The following TUSC3 variants were observed in gnomAD, a reference collection of about 807,000 sequenced individuals.
The protein encoded by TUSC3 is dolichyl-diphosphooligosaccharide--protein glycosyltransferase subunit TUSC3.
TUSC3 carries 45 observed loss-of-function variants against 44.8 expected under a neutral mutation model. The observed-to-expected ratio is 1.00, with a 90% CI of 0.79 to 1.29. TUSC3 has a LOEUF of 1.29. TUSC3 is among the 50% of genes most tolerant of loss of function. The pLI, the probability that TUSC3 is intolerant of heterozygous loss-of-function variation, is 0.00. For missense variants in TUSC3, 519 were observed against 437.9 expected, an observed-to-expected ratio of 1.19 and a Z score of -1.65; for synonymous variants, 212 against 152.9, an observed-to-expected ratio of 1.39 and a Z score of -2.85.
intron 2 of TUSC3, among the ~76,000 whole-genome samples, chr8:15,628,749 C>T (rs2129166981): frequency 6.6e-6 from 1 of 152,296 alleles, no homozygotes; most frequent in East Asian, 1.9e-4. Flanking sequence ...AGAATACCTA[C>T]CTTCTTAGTG....
chr8:15,438,999 G>C (rs1018401338), intron 1 of TUSC3, among the ~76,000 whole-genome samples: 8 of 152,158 alleles, frequency 5.3e-5, no homozygotes, highest in African/African-American at 1.9e-4. Context: ...GTTGGTCGAG[G>C]CAATCTATAC....
chr8:15,715,432 C>T (rs1810019550), intron 6 of TUSC3, among the ~76,000 whole-genome samples: 1 of 152,004 alleles, frequency 6.6e-6, no homozygotes, highest in Admixed American at 6.6e-5. Flanking sequence ...ACTGAGCAAC[C>T]CACTAAGTGA....
chr8:15,516,979 G>A (rs1392827225), intron 2 of TUSC3, among the ~76,000 whole-genome samples: 3 of 152,100 alleles, frequency 2.0e-5, no homozygotes, highest in African/African-American at 4.8e-5. Flanking sequence ...AATTAAATGT[G>A]ATAGAATTTT....
the TUSC3 span, among the ~76,000 whole-genome samples, chr8:15,803,313 G>C: frequency 6.6e-6 from 1 of 152,076 alleles, no homozygotes; most frequent in South Asian, 2.1e-4. Flanking sequence ...ACATATCTTA[G>C]TAAATTTAGT....
At chr8:15,593,728 T>C (rs1391105503) in intron 1 of TUSC3, among the ~76,000 whole-genome samples, 1 of 152,196 alleles carries the variant, frequency 6.6e-6, no homozygotes, top group Non-Finnish European at 1.5e-5. Flanking sequence ...ATTATTTTGC[T>C]AATTTTCAGT....
upstream of TUSC3, among the ~76,000 whole-genome samples, chr8:15,539,682 G>T (rs1163006171): frequency 6.6e-6 from 1 of 152,106 alleles, no homozygotes; most frequent in Non-Finnish European, 1.5e-5. Context: ...TCATAGAATA[G>T]AAATTGAAGT....
At chr8:15,696,287 G>C (rs1212891771) in intron 6 of TUSC3, among the ~76,000 whole-genome samples, 1 of 152,186 alleles carries the variant, frequency 6.6e-6, no homozygotes, top group African/African-American at 2.4e-5. Flanking sequence ...AGCTCGGGAT[G>C]TGGATTCCGA....
At chr8:15,460,980 C>G (rs956760364) in intron 1 of TUSC3, among the ~76,000 whole-genome samples, 30 of 152,110 alleles carry the variant, frequency 2.0e-4, no homozygotes, top group African/African-American at 7.0e-4. Context: ...CAGATTTATT[C>G]TTTTTGCTTA....
chr8:15,830,457 C>T, the TUSC3 span, among the ~76,000 whole-genome samples: 1 of 152,110 alleles, frequency 6.6e-6, no homozygotes, highest in South Asian at 2.1e-4. Flanking sequence ...GACACCTGCA[C>T]TTGTATATTT....
the TUSC3 span, among the ~76,000 whole-genome samples, chr8:15,785,549 G>C: frequency 2.6e-5 from 4 of 151,746 alleles, no homozygotes; most frequent in East Asian, 1.9e-4. Flanking sequence ...CTCAGGACAG[G>C]GGGGAGTTGG....
intron 1 of TUSC3, among the ~76,000 whole-genome samples, chr8:15,454,180 A>G (rs1196393368): frequency 2.6e-5 from 4 of 152,170 alleles, no homozygotes; most frequent in African/African-American, 9.7e-5. Flanking sequence ...ATGACAGCAT[A>G]TAAAATCCCA....
At chr8:15,540,209 T>G (rs946262211), upstream of TUSC3, 6 of 582,632 alleles carry the variant, frequency 1.0e-5, no homozygotes, top group Non-Finnish European at 1.3e-5. Context: ...GCCCACTTCC[T>G]GCCCCCATCC....
the TUSC3 span, among the ~76,000 whole-genome samples, chr8:15,776,918 T>C: frequency 7.6e-6 from 1 of 131,054 alleles, no homozygotes; most frequent in Non-Finnish European, 1.6e-5. Flanking sequence ...CGTGTAACAC[T>C]GTCATGTGTT....
At position 15,523,044 on chromosome 8, in the gene TUSC3, C is replaced by T. The variant is rs574980015; in HGVS notation, n.189+39561C>T. On this transcript the variant is annotated intron_variant and non_coding_transcript_variant, in intron 2 of 5. Transcript: ENST00000503191. ...GTAAGACTGAGAACTATACCAGCTC[C>T]AGCACCTTTTCCAGGCTGTTCCATC... Among the ~76,000 whole-genome samples the T allele has an allele frequency of 4.1e-4, 63 of 152,232 alleles. No homozygotes were observed. In the Middle Eastern group the frequency reaches 0.01, roughly 25 times the overall value.
In TUSC3 at chr8:15,482,952, C is replaced by A. The variant is rs1177095728; in HGVS notation, n.92-434C>A. On this transcript the variant is annotated intron_variant and non_coding_transcript_variant, in intron 1 of 5. Coordinates refer to the TUSC3 transcript ENST00000503191. ...TGTGTTTTAATAAATTAAAATAAGA[C>A]CTGTATAAAACACTGGTAATTAAGC... is the stretch of plus-strand genomic sequence containing the variant. Among the ~76,000 whole-genome samples, 7 of 152,124 alleles carry A rather than the reference C, an allele frequency of 4.6e-5. No homozygotes were observed. In the East Asian group the frequency reaches 1.4e-3, roughly 29 times the overall value.
At chr8:15,433,070 C>T (rs1799890649) in intron 1 of TUSC3, among the ~76,000 whole-genome samples, 1 of 152,156 alleles carries the variant, frequency 6.6e-6, no homozygotes, top group African/African-American at 2.4e-5. Flanking sequence ...GTCTCATGAC[C>T]CAATCTCCAA....
chr8:15,807,464 A>C, the TUSC3 span, among the ~76,000 whole-genome samples: 1 of 152,104 alleles, frequency 6.6e-6, no homozygotes, highest in African/African-American at 2.4e-5. Context: ...AAAGCTTTTA[A>C]TGTCTCAAAG....
At position 15,673,811 on chromosome 8, in the gene TUSC3, A is replaced by T; in HGVS notation, c.773A>T (p.His258Leu). The change falls in exon 6 of 11, where the codon CAT (histidine) becomes CTT (leucine). Residue 258 changes from histidine (H) to leucine (L), a missense_variant. His to Leu is a moderately conservative substitution (Grantham distance 99, BLOSUM62 -3). Coordinates refer to ENST00000503731, the MANE Select transcript of TUSC3 (RefSeq NM_006765.4). ...WNHIRGPPYA[H>L]KNPHNGQVSY... ...CATATCCGTGGACCTCCATATGCTC[A>T]TAAGAACCCACACAATGGACAAGTG... 1.2e-6 allele frequency: 2 copies of T among 1,612,758 alleles called. No homozygotes were observed. Among genetic ancestry groups the T allele is most frequent in the Non-Finnish European group, 1.7e-6 (2 of 1,179,064 alleles).
intron 7 of TUSC3, among the ~76,000 whole-genome samples, chr8:15,741,857 G>A (rs1811213270): frequency 1.3e-5 from 2 of 152,048 alleles, no homozygotes; most frequent in African/African-American, 4.8e-5. Flanking sequence ...TCCTTGTTAA[G>A]GATCCATATC....
Sources: allele counts gnomAD v4.1 joint callset (sites outside exome capture counted in the v4.1 genomes callset), GRCh38; gene constraint gnomAD v4.1.1; transcripts MANE v1.5; gene names NCBI Gene and HGNC (gene_info 2026-07-23, HGNC 2026-07-21).